The following CPA6 variants were observed in gnomAD, a reference collection of about 807,000 sequenced individuals.
CPA6 encodes the protein carboxypeptidase B.
CPA6 carries 58 observed loss-of-function variants against 63.3 expected under a neutral mutation model. That is an observed-to-expected ratio of 0.92 (90% CI 0.74 to 1.14). CPA6 has a LOEUF of 1.14. CPA6 is among the 50% of genes most tolerant of loss of function. CPA6 has a pLI of 0.00. For synonymous variants in CPA6, 185 were observed against 179.0 expected, an observed-to-expected ratio of 1.03 and a Z score of -0.27; for missense variants, 565 against 526.6, an observed-to-expected ratio of 1.07 and a Z score of -0.71.
At chr8:67,465,538 T>C (rs1810905878) in intron 8 of CPA6, among the ~76,000 whole-genome samples, 1 of 152,200 alleles carries the variant, frequency 6.6e-6, no homozygotes, top group Non-Finnish European at 1.5e-5. Flanking sequence ...CTATGTTGAA[T>C]AGGAGTGGTG....
chr8:67,648,723 T>C (rs1367870151), intron 1 of CPA6, among the ~76,000 whole-genome samples: 1 of 152,222 alleles, frequency 6.6e-6, no homozygotes, highest in Non-Finnish European at 1.5e-5. Flanking sequence ...TTTGGTGTGT[T>C]AAAGGGATAA....
At chr8:67,432,211 C>A (rs1278691422) in intron 9 of CPA6, among the ~76,000 whole-genome samples, 1 of 152,130 alleles carries the variant, frequency 6.6e-6, no homozygotes, top group African/African-American at 2.4e-5. Context: ...CATCCTTCAC[C>A]CTCTGAGGAG....
At chr8:67,673,792 AATG>A (rs936554004) in intron 1 of CPA6, among the ~76,000 whole-genome samples, 2 of 152,142 alleles carry the variant, frequency 1.3e-5, no homozygotes, top group African/African-American at 4.8e-5. Flanking sequence ...ATATTTTTTA[AATG>A]CCTGCTGTGC....
At chr8:67,460,397 C>T (rs1023770759) in intron 8 of CPA6, among the ~76,000 whole-genome samples, 2 of 152,136 alleles carry the variant, frequency 1.3e-5, no homozygotes, top group Non-Finnish European at 1.5e-5. Context: ...AACAATGATG[C>T]TGTTTTCTAC....
At chr8:67,541,208 C>T (rs1016452192) in intron 2 of CPA6, among the ~76,000 whole-genome samples, 3 of 152,076 alleles carry the variant, frequency 2.0e-5, no homozygotes, top group East Asian at 3.9e-4. Context: ...CTGTGGGTTG[C>T]GAAGACCATG....
At position 67,475,873 on chromosome 8, in the gene CPA6, T is replaced by C. The variant is rs11991984; in HGVS notation, c.838+7895A>G. 1.1e-3 allele frequency among the ~76,000 whole-genome samples: 94 copies of C among 88,690 alleles called. 5 individuals are homozygous for C. The highest frequency in any genetic ancestry group is 4.1e-3 in the African/African-American group (88 of 21,728). The allele number at this position is 88,690 out of a possible 152,430, so 58.2% of individuals were successfully genotyped here. ...TTTCTTTCTTTCTTTCTTTCTTTCT[T>C]TCTTTCTCCTTTCTTTCTTTCTTTC... is the stretch of plus-strand genomic sequence containing the variant. On this transcript the variant is annotated intron_variant, in intron 8 of 10. Coordinates refer to ENST00000297770, the MANE Select transcript of CPA6 (RefSeq NM_020361.5).
Position 67,543,106 on chromosome 8 carries a change from G to A in CPA6, c.193-25059C>T, listed in dbSNP as rs114316447. Among the ~76,000 whole-genome samples, 389 of 152,254 alleles carry A rather than the reference G, an allele frequency of 2.6e-3. 5 individuals carry two copies. The highest frequency in any genetic ancestry group is 8.5e-3 in the African/African-American group (355 of 41,560). ...CTGTCACAGGTTTGAGTAGTCTATG[G>A]CTAATCCAGTTTTTCTCAAAAGCCC... On this transcript the variant is annotated intron_variant, in intron 2 of 10. Transcript: ENST00000297770.
At chr8:67,567,300 T>TA (rs777469046) in intron 2 of CPA6, among the ~76,000 whole-genome samples, 4 of 152,168 alleles carry the variant, frequency 2.6e-5, no homozygotes, top group Non-Finnish European at 5.9e-5. Flanking sequence ...GATGTCCTCT[T>TA]AAAAAAGAAT....
At chr8:67,487,092 A>G (rs1811495140) in intron 6 of CPA6, among the ~76,000 whole-genome samples, 1 of 152,132 alleles carries the variant, frequency 6.6e-6, no homozygotes, top group East Asian at 1.9e-4. Context: ...TCTAGGGTAC[A>G]TGGGCACAAC....
chr8:67,691,411 C>T (rs1280129691), intron 1 of CPA6, among the ~76,000 whole-genome samples: 1 of 152,174 alleles, frequency 6.6e-6, no homozygotes, highest in Non-Finnish European at 1.5e-5. Context: ...ATTTATGTAT[C>T]TTTCAGGCCT....
At chr8:67,698,101 G>T (rs771816883) in intron 1 of CPA6, among the ~76,000 whole-genome samples, 2 of 152,146 alleles carry the variant, frequency 1.3e-5, no homozygotes, top group Non-Finnish European at 2.9e-5. Context: ...CAAGGTTTGA[G>T]ATTAAACTCA....
intron 8 of CPA6, among the ~76,000 whole-genome samples, chr8:67,446,040 G>A (rs1477496359): frequency 1.3e-5 from 2 of 152,086 alleles, no homozygotes; most frequent in Non-Finnish European, 2.9e-5. Flanking sequence ...CGGGGCGGGC[G>A]GATCACGAGG....
At chr8:67,678,267 C>G (rs768053368) in intron 1 of CPA6, among the ~76,000 whole-genome samples, 2 of 115,012 alleles carry the variant, frequency 1.7e-5, no homozygotes, top group Non-Finnish European at 3.9e-5. Context: ...ACACACAAAC[C>G]CTGATGAAAT....
At chr8:67,498,635 A>G (rs888483488) in intron 6 of CPA6, among the ~76,000 whole-genome samples, 1 of 151,718 alleles carries the variant, frequency 6.6e-6, no homozygotes, top group African/African-American at 2.4e-5. Flanking sequence ...TGTAGTATAC[A>G]TTTCAACAGT....
At chr8:67,615,306 C>G (rs1814916729) in intron 2 of CPA6, among the ~76,000 whole-genome samples, 1 of 152,190 alleles carries the variant, frequency 6.6e-6, no homozygotes, top group Non-Finnish European at 1.5e-5. Context: ...ATGGTTTATA[C>G]ACTTGATAGA....
At chr8:67,685,732 C>T (rs1816697576) in intron 1 of CPA6, among the ~76,000 whole-genome samples, 1 of 152,208 alleles carries the variant, frequency 6.6e-6, no homozygotes, top group Admixed American at 6.5e-5. Flanking sequence ...CAACTCTTAG[C>T]TATGTGTCTT....
At chr8:67,566,185 A>T (rs1813332400) in intron 2 of CPA6, among the ~76,000 whole-genome samples, 1 of 152,214 alleles carries the variant, frequency 6.6e-6, no homozygotes, top group Admixed American at 6.5e-5. Flanking sequence ...CAATAGTATT[A>T]GTCATTAGTT....
At chr8:67,582,787 G>A (rs967996363) in intron 2 of CPA6, among the ~76,000 whole-genome samples, 1 of 152,150 alleles carries the variant, frequency 6.6e-6, no homozygotes, top group African/African-American at 2.4e-5. Context: ...GGCATATACT[G>A]CATTTTTATT....
intron 2 of CPA6, among the ~76,000 whole-genome samples, chr8:67,549,629 A>T (rs1387354073): frequency 6.6e-6 from 1 of 152,110 alleles, no homozygotes; most frequent in Non-Finnish European, 1.5e-5. Context: ...TTGACTAATG[A>T]TCTCCATTTC....
Sources: allele counts gnomAD v4.1 joint callset (sites outside exome capture counted in the v4.1 genomes callset), GRCh38; gene constraint gnomAD v4.1.1; transcripts MANE v1.5; gene names NCBI Gene and HGNC (gene_info 2026-07-23, HGNC 2026-07-21).